HDGFL3: variants seen among roughly 807,000 people sequenced by gnomAD.
HDGFL3 encodes HDGF like 3.
HDGFL3 carries 6 observed loss-of-function variants against 27.6 expected under a neutral mutation model. The ratio of observed to expected loss-of-function variants is 0.22; its 90% CI spans 0.12 to 0.43. HDGFL3 has a LOEUF of 0.43. Ranked by LOEUF, HDGFL3 falls within the 20% of genes least tolerant of loss-of-function variation. The pLI is 1.00. For synonymous variants in HDGFL3, 88 were observed against 88.9 expected, an observed-to-expected ratio of 0.99 and a Z score of 0.05; for missense variants, 207 against 250.1, an observed-to-expected ratio of 0.83 and a Z score of 1.16.
At chr15:83,122,228 T>A (rs1341357664) in intron 3 of HDGFL3, among the ~76,000 whole-genome samples, 2 of 152,198 alleles carry the variant, frequency 1.3e-5, no homozygotes, top group African/African-American at 4.8e-5. Context: ...AGTCAAGTTA[T>A]CAGGGATTCC....
chr15:83,177,646 T>A (rs549466892), intron 1 of HDGFL3, among the ~76,000 whole-genome samples: 1 of 152,212 alleles, frequency 6.6e-6, no homozygotes, highest in Non-Finnish European at 1.5e-5. Context: ...CTTTGCATAT[T>A]TGAATTTTTA....
At chr15:83,203,625 C>T (rs930574356) in intron 1 of HDGFL3, among the ~76,000 whole-genome samples, 2 of 151,912 alleles carry the variant, frequency 1.3e-5, no homozygotes, top group Non-Finnish European at 2.9e-5. Flanking sequence ...CAATGACCAT[C>T]CATCTAGTCA....
At chr15:83,155,190 T>G (rs1423211060) in intron 4 of HDGFL3, among the ~76,000 whole-genome samples, 1 of 152,184 alleles carries the variant, frequency 6.6e-6, no homozygotes, top group Non-Finnish European at 1.5e-5. Flanking sequence ...GATCATGAAG[T>G]TGTAATCTTC....
At chr15:83,151,480 C>A in intron 4 of HDGFL3, 119 bp from the exon 5 acceptor site, 1 of 781,368 alleles carries the variant, frequency 1.3e-6, no homozygotes, top group Admixed American at 3.1e-5. Context: ...AGAGGATATA[C>A]TGACACAACA....
chr15:83,128,710 CCT>C lies in HDGFL3; in HGVS notation c.*10558_*10559del, dbSNP rs2035986272. The C allele has an allele frequency of 6.6e-6, 1 of 152,176 alleles. No individual in the cohort carries two copies. Among genetic ancestry groups the C allele is most frequent in the Non-Finnish European group, 1.5e-5 (1 of 68,040 alleles). 9.4% of individuals were successfully genotyped at this position (152,176 alleles called of 1,614,324 possible). On this transcript the variant is annotated 3_prime_UTR_variant, in exon 6 of 6. Transcript: ENST00000299633. The stretch of plus-strand genomic sequence containing the variant: ...AAATAGGACCTGATCCTCCCCACAA[CCT>C]CTCTTCCATTTTTTCATTATCTGTT...
chr15:83,182,329 T>G (rs2037391265), intron 1 of HDGFL3, among the ~76,000 whole-genome samples: 4 of 152,218 alleles, frequency 2.6e-5, no homozygotes, highest in Admixed American at 2.0e-4. Context: ...CTTTATGTAT[T>G]TACTCAAAAT....
Position 83,207,379 on chromosome 15 carries a change from G to A in HDGFL3, c.36C>T (p.Gly12=). 1 of 1,401,362 alleles carries A rather than the reference G, an allele frequency of 7.1e-7. No homozygotes were observed. Among genetic ancestry groups the A allele is most frequent in the Non-Finnish European group, 9.3e-7 (1 of 1,071,318 alleles). The allele number at this position is 1,401,362 out of a possible 1,614,324, so 86.8% of individuals were successfully genotyped here. A position where few individuals can be genotyped will look rare whatever the true frequency, so the allele number is the denominator to read the frequency against. Reference sequence around the variant, plus strand: ...CCTTCATCTTGGCGAAGACCAGGTCGCCCGCTTTGTACTCGCGGGGCCGCG... The same window carrying A: ...CCTTCATCTTGGCGAAGACCAGGTCACCCGCTTTGTACTCGCGGGGCCGCG... The part of the protein sequence containing the change: ...ARPRPREYKA[G]DLVFAKMKGY... Residue 12 remains glycine (G), a synonymous_variant, in exon 1 of 6, where the codon GGC becomes GGT. Transcript: ENST00000299633. The surrounding 1 kb of genome is among the most constrained non-coding windows in gnomAD (Gnocchi z 4.8).
At position 83,127,863 on chromosome 15, in the gene HDGFL3, G is replaced by A. The variant is rs1168829441; in HGVS notation, c.*11407C>T. 1 of 261,508 alleles carries A rather than the reference G, an allele frequency of 3.8e-6. No homozygotes were observed. The highest frequency in any genetic ancestry group is 7.3e-6 in the Non-Finnish European group (1 of 136,104). The allele number at this position is 261,508 out of a possible 1,614,324, so 16.2% of individuals were successfully genotyped here. A position where few individuals can be genotyped will look rare whatever the true frequency, so the allele number is the denominator to read the frequency against. ...ATGTCCATCCAAATTTAAGACTTCA[G>A]AATTCCACTACGCTATGCTATACAG... On this transcript the variant is annotated 3_prime_UTR_variant, in exon 6 of 6. Transcript: ENST00000299633.
rs766372255 is a variant in HDGFL3, at chr15:83,198,054, CAAA to C, written c.84+9274_84+9276del. Among the ~76,000 whole-genome samples the C allele has an allele frequency of 1.8e-3, 106 of 57,600 alleles. 2 individuals carry two copies. Among genetic ancestry groups the C allele is most frequent in the African/African-American group, 5.2e-3 (54 of 10,460 alleles). 37.8% of individuals were successfully genotyped at this position (57,600 alleles called of 152,430 possible). On this transcript the variant is annotated intron_variant, in intron 1 of 5. Transcript: ENST00000299633. Reference sequence around the variant, plus strand: ...GGGGTGACAGAGAGAGACTCCGTCTCAAAAAAAAAAAAAAAAAAAAGAAGCCAA... The same window carrying C: ...GGGGTGACAGAGAGAGACTCCGTCTCAAAAAAAAAAAAAAAAAGAAGCCAA...
At chr15:83,155,047 T>G (rs1336126305) in intron 4 of HDGFL3, among the ~76,000 whole-genome samples, 1 of 152,090 alleles carries the variant, frequency 6.6e-6, no homozygotes, top group Non-Finnish European at 1.5e-5. Flanking sequence ...TTATTATTTG[T>G]GGAGATGAGG....
chr15:83,118,233 A>G (rs556926328), intron 3 of HDGFL3, among the ~76,000 whole-genome samples: 857 of 62,144 alleles, frequency 0.014, 7 homozygotes, highest in African/African-American at 0.084. Flanking sequence ...CTGTACGTAC[A>G]CACACACACA....
At chr15:83,112,945 C>G in exon 4 of HDGFL3, 1 of 1,435,264 alleles carries the variant, frequency 7.0e-7, no homozygotes, top group East Asian at 2.3e-5. Flanking sequence ...ATTAATAACA[C>G]AATACTTTCA....
In HDGFL3 at chr15:83,136,602, T is replaced by A. The variant is rs1211531610; in HGVS notation, c.*2668A>T. The A allele has an allele frequency of 6.2e-7, 1 of 1,613,380 alleles. No individual in the cohort carries two copies. The highest frequency in any genetic ancestry group is 2.2e-5 in the East Asian group (1 of 44,862). On this transcript the variant is annotated 3_prime_UTR_variant, in exon 6 of 6. Coordinates refer to ENST00000299633, the MANE Select transcript of HDGFL3 (RefSeq NM_016073.4). ...ATAGCATATGGAGTTCTTCCTCAGC[T>A]CTTGGCCTATCGTTGTATCTACAAA... is the stretch of plus-strand genomic sequence containing the variant.
chr15:83,157,772 A>T, intron 3 of HDGFL3, 131 bp downstream of exon 3: 1 of 982,546 alleles, frequency 1.0e-6, no homozygotes, highest in South Asian at 1.5e-5. Context: ...TTAATCCAAA[A>T]TGCTACTGGA....
chr15:83,195,633 A>G (rs1473612342), intron 1 of HDGFL3, among the ~76,000 whole-genome samples: 1 of 152,126 alleles, frequency 6.6e-6, no homozygotes, highest in Non-Finnish European at 1.5e-5. Context: ...TAGAACATTA[A>G]TGTTACCCAA....
At chr15:83,124,714 T>C, downstream of HDGFL3, 1 of 1,614,178 alleles carries the variant, frequency 6.2e-7, no homozygotes, top group Non-Finnish European at 8.5e-7. Context: ...GAGAAGACCA[T>C]TTGATTTAAT....
intron 5 of HDGFL3, among the ~76,000 whole-genome samples, chr15:83,149,950 G>T (rs1456221958): frequency 6.6e-6 from 1 of 152,164 alleles, no homozygotes; most frequent in African/African-American, 2.4e-5. Context: ...ACAATAGAAA[G>T]ATGTAAATTA....
At chr15:83,145,712 C>T (rs2036875230) in intron 5 of HDGFL3, among the ~76,000 whole-genome samples, 1 of 152,088 alleles carries the variant, frequency 6.6e-6, no homozygotes, top group African/African-American at 2.4e-5. Flanking sequence ...TTCTGGCCCT[C>T]TGTCATTCAT....
At chr15:83,175,104 C>G (rs527299189) in intron 1 of HDGFL3, among the ~76,000 whole-genome samples, 296 of 152,298 alleles carry the variant, frequency 1.9e-3, no homozygotes, top group Middle Eastern at 0.01. Context: ...CCATAGTTGC[C>G]CACTTTAGAC....
Sources: gnomAD v4.1 joint callset for allele counts (sites outside exome capture counted in the v4.1 genomes callset) on GRCh38, gnomAD v4.1.1 for gene constraint, Gnocchi (gnomAD v3.1) non-coding constraint, MANE v1.5 for transcripts, NCBI Gene and HGNC (gene_info 2026-07-23, HGNC 2026-07-21) for gene names.